Variants in PASK observed in about 807,000 individuals in gnomAD.
PASK encodes PAS domain-containing serine/threonine-protein kinase.
A neutral mutation model predicts 121.0 loss-of-function variants in PASK; 110 were observed. That is an observed-to-expected ratio of 0.91 (90% CI 0.78 to 1.06). PASK has a LOEUF of 1.06. Among genes scored for constraint, PASK ranks in the 50% least tolerant of loss-of-function variants. The probability of loss-of-function intolerance (pLI) is 0.00; values close to 1 mark genes in which losing one functional copy is unlikely to be tolerated. For missense variants in PASK, 1,643 were observed against 1,702.3 expected, an observed-to-expected ratio of 0.97 and a Z score of 0.61; for synonymous variants, 686 against 717.8, an observed-to-expected ratio of 0.96 and a Z score of 0.71.
intron 9 of PASK, among the ~76,000 whole-genome samples, chr2:241,132,246 A>G (rs1444145444): frequency 6.6e-6 from 1 of 151,456 alleles, no homozygotes; most frequent in East Asian, 2.0e-4. Flanking sequence ...ACAGCTTCAT[A>G]TGACTTTGAA....
upstream of PASK, chr2:241,150,307 C>G (rs755787673): frequency 3.0e-6 from 4 of 1,336,400 alleles, no homozygotes; most frequent in African/African-American, 3.1e-5. Flanking sequence ...ATTACCTGCT[C>G]TGGGGGAGGC....
Position 241,142,989 on chromosome 2 carries a change from C to T in PASK, c.44G>A (p.Cys15Tyr), listed in dbSNP as rs1489062327. The T allele has an allele frequency of 6.2e-7, 1 of 1,613,910 alleles. No homozygotes were observed. Among genetic ancestry groups the T allele is most frequent in the African/African-American group, 1.3e-5 (1 of 74,912 alleles). ...GLTAFEEDQR[C>Y]LSQSLPLPVS... ...TGGCAAGGGGAGGCTCTGGGAAAGG[C>T]ATCTCTGGTCCTCTTCAAAGGCTGT... Residue 15 changes from cysteine (C) to tyrosine (Y), a missense_variant, in exon 2 of 18, where the codon TGC becomes TAC. Physicochemically the swap from Cys to Tyr is radical, Grantham distance 194 (BLOSUM62 -2). Coordinates refer to ENST00000234040, the MANE Select transcript of PASK (RefSeq NM_015148.4).
chr2:241,137,061 G>A lies in PASK; in HGVS notation c.1080C>T (p.Ile360=), dbSNP rs746390632. ...ACAGTGTCAGCGCGAAGCTGTGGTT[G>A]ATGCCGTGGATGGTCCCATCCGGCA... ...TLLPDGTIHG[I]NHSFALTLFG... Residue 360 remains isoleucine (I), a synonymous_variant, in exon 7 of 18, where the codon ATC becomes ATT. Coordinates refer to ENST00000234040, the MANE Select transcript of PASK (RefSeq NM_015148.4). 2 of 1,613,564 alleles carry A rather than the reference G, an allele frequency of 1.2e-6. No homozygotes were observed. Among genetic ancestry groups the A allele is most frequent in the Middle Eastern group, 1.6e-4 (1 of 6,062 alleles).
intron 14 of PASK, chr2:241,114,258 G>A (rs1020138324): frequency 1.7e-5 from 17 of 985,246 alleles, no homozygotes; most frequent in Middle Eastern, 5.2e-4. Flanking sequence ...ACTAAACTTC[G>A]GAAACCCAAC....
chr2:241,138,619 CG>C (rs747737621), intron 5 of PASK, 34 bp downstream of exon 5: 2 of 1,612,226 alleles, frequency 1.2e-6, no homozygotes, highest in Non-Finnish European at 1.7e-6. Context: ...CCGGCTCCAG[CG>C]TCCATGAGAC....
At chr2:241,141,168 C>T (rs2066682343) in intron 2 of PASK, among the ~76,000 whole-genome samples, 1 of 152,168 alleles carries the variant, frequency 6.6e-6, no homozygotes, top group Non-Finnish European at 1.5e-5. Flanking sequence ...GCCCTTGCAG[C>T]CCCATCTACT....
chr2:241,147,876 G>T (rs2067034750), intron 1 of PASK, among the ~76,000 whole-genome samples: 1 of 152,148 alleles, frequency 6.6e-6, no homozygotes, highest in Non-Finnish European at 1.5e-5. Context: ...GCGGGAGCGG[G>T]GAGGACAGCA....
In PASK at chr2:241,115,321, A is replaced by AG. The variant is rs755045371; in HGVS notation, c.3164_3165insC (p.Leu1056SerfsTer17). 2.5e-6 allele frequency: 4 copies of AG among 1,613,904 alleles called. No homozygotes were observed. The East Asian group carries it at 8.9e-5, about 36-fold the overall frequency. On this transcript the variant is annotated frameshift_variant, in exon 13 of 18. Transcript: ENST00000234040. LOFTEE classifies it high-confidence loss of function. ...TATTGGCGTGCTCCACCCTGGATAG[A>AG]ATTGCGATCTCTAAAGTAACTTTCC...
chr2:241,115,106 G>A lies in PASK; in HGVS notation c.3270C>T (p.Leu1090=), dbSNP rs2065273192. ...TGGGGTGGCGGTCGATGAAAGCGAA[G>A]AGGTCTAGGCCGGAGCCGTGCTTCT... The part of the protein sequence containing the change: ...VMEKHGSGLD[L]FAFIDRHPRL... The change falls in exon 14 of 18, where the codon CTC becomes CTT. Residue 1090 remains leucine, a synonymous_variant. Transcript: ENST00000234040. 6.2e-7 allele frequency: 1 copy of A among 1,614,162 alleles called. No homozygotes were observed. Among genetic ancestry groups the A allele is most frequent in the African/African-American group, 1.3e-5 (1 of 75,036 alleles).
chr2:241,114,050 C>G, intron 14 of PASK: 2 of 984,852 alleles, frequency 2.0e-6, no homozygotes, highest in Non-Finnish European at 2.4e-6. Flanking sequence ...GAATTAACAG[C>G]TGTCAGGCAG....
chr2:241,130,427 C>T (rs1351796580), intron 9 of PASK, among the ~76,000 whole-genome samples: 8 of 152,140 alleles, frequency 5.3e-5, no homozygotes, highest in South Asian at 4.1e-4. Flanking sequence ...AGGATAGCAA[C>T]GGGCCACGTG....
intron 10 of PASK, among the ~76,000 whole-genome samples, 200 bp downstream of exon 10, chr2:241,125,996 C>A (rs565355195): frequency 6.6e-6 from 1 of 152,150 alleles, no homozygotes; most frequent in East Asian, 1.9e-4. Flanking sequence ...GGACCTTGGG[C>A]GCCACCCTCC....
chr2:241,122,235 G>C (rs2065643186), intron 12 of PASK, among the ~76,000 whole-genome samples: 1 of 151,602 alleles, frequency 6.6e-6, no homozygotes, highest in South Asian at 2.1e-4. Flanking sequence ...TCCAAAGTAA[G>C]AAAAAATAAT....
chr2:241,107,626 T>C, intron 16 of PASK, 127 bp from the exon 17 acceptor site: 4 of 842,314 alleles, frequency 4.7e-6, no homozygotes, highest in Non-Finnish European at 8.1e-6. Flanking sequence ...CAGGAACCTC[T>C]AGTGCAGGGC....
rs763505116 is a variant in PASK at position 241,126,888 on chromosome 2, T to G, written c.2027A>C (p.Asp676Ala). 3 of 1,613,502 alleles carry G rather than the reference T, an allele frequency of 1.9e-6. No homozygotes were observed. The highest frequency in any genetic ancestry group is 2.5e-6 in the Non-Finnish European group (3 of 1,179,534). Residue 676 changes from aspartate to alanine, a missense_variant, in exon 10 of 18, where the codon GAT (aspartate) becomes GCT (alanine). Coordinates refer to ENST00000234040, the MANE Select transcript of PASK (RefSeq NM_015148.4). ...CGGAACGAGTTCGGCGTGGGGGACA[T>G]CCAGGGCTCCTGCAAGGCTCAACTG... ...LSQLSLAGAL[D>A]VPHAELVPTE...
intron 9 of PASK, among the ~76,000 whole-genome samples, chr2:241,132,389 G>A (rs1046521294): frequency 7.3e-5 from 11 of 151,672 alleles, no homozygotes; most frequent in Middle Eastern, 3.2e-3. Flanking sequence ...GGTGGCGGGC[G>A]CCTGTAGTCC....
intron 1 of PASK, among the ~76,000 whole-genome samples, chr2:241,149,007 G>C (rs2067128696): frequency 3.3e-5 from 5 of 152,040 alleles, no homozygotes; most frequent in African/African-American, 9.7e-5. Context: ...AGCCCGCAGG[G>C]ACCCACACGC....
At chr2:241,107,202 T>TGAC in intron 17 of PASK, 151 bp downstream of exon 17, 1 of 771,438 alleles carries the variant, frequency 1.3e-6, no homozygotes, top group Non-Finnish European at 2.3e-6. Flanking sequence ...CTCTCACAGG[T>TGAC]GACAGGTCAG....
chr2:241,116,938 C>T (rs980809103), intron 12 of PASK, among the ~76,000 whole-genome samples: 1 of 152,156 alleles, frequency 6.6e-6, no homozygotes, highest in African/African-American at 2.4e-5. Flanking sequence ...GGGGGTGCAG[C>T]CCCTGCGAGG....
Sources: gnomAD v4.1 joint callset for allele counts (sites outside exome capture counted in the v4.1 genomes callset) on GRCh38, gnomAD v4.1.1 for gene constraint, MANE v1.5 for transcripts, NCBI Gene and HGNC (gene_info 2026-07-23, HGNC 2026-07-21) for gene names.